Variants in DNMBP observed in about 807,000 individuals in gnomAD.
The protein encoded by DNMBP is dynamin binding protein, also known as dynamin-binding protein.
A neutral mutation model predicts 150.0 loss-of-function variants in DNMBP; 87 were observed. The observed-to-expected ratio is 0.58, with a 90% CI of 0.49 to 0.69. The LOEUF is 0.69. DNMBP is among the 30% of genes least tolerant of loss of function. The pLI, the probability that DNMBP is intolerant of heterozygous loss-of-function variation, is 0.00. For missense variants in DNMBP, 1,774 were observed against 1,949.0 expected (o/e 0.91, Z 1.69); for synonymous variants, 711 against 750.4 (o/e 0.95, Z 0.86).
intron 1 of DNMBP, among the ~76,000 whole-genome samples, chr10:99,993,065 C>T (rs1282475021): frequency 6.6e-6 from 1 of 151,968 alleles, no homozygotes; most frequent in African/African-American, 2.4e-5. Flanking sequence ...AAAGATTCAA[C>T]ATAAAAATAA....
chr10:99,885,465 C>T (rs191082600), intron 14 of DNMBP, among the ~76,000 whole-genome samples: 3 of 152,144 alleles, frequency 2.0e-5, no homozygotes, highest in African/African-American at 7.2e-5. Flanking sequence ...GAGCCAAGAT[C>T]ACACCACTGC....
intron 11 of DNMBP, among the ~76,000 whole-genome samples, chr10:99,892,790 G>T (rs2039593045): frequency 6.6e-6 from 1 of 151,906 alleles, no homozygotes; most frequent in African/African-American, 2.4e-5. Context: ...TAAAACACGA[G>T]AATTTTTAAA....
At chr10:99,891,824 C>A (rs1281499428) in intron 11 of DNMBP, among the ~76,000 whole-genome samples, 1 of 150,782 alleles carries the variant, frequency 6.6e-6, no homozygotes, top group Admixed American at 6.6e-5. Context: ...TCTGCCCCGC[C>A]GCCCCATCTG....
chr10:99,935,398 C>T lies in DNMBP; in HGVS notation c.2260+19816G>A, dbSNP rs568191642. On this transcript the variant is annotated intron_variant, in intron 4 of 16. Transcript: ENST00000324109. ...TTTTTTTCTTATTTACTTTATTTTA[C>T]TTTTTAGAGACAGGGCCTCTCTTTG... 1.2e-4 allele frequency among the ~76,000 whole-genome samples: 18 copies of T among 151,478 alleles called. No homozygotes were observed. The East Asian group carries it at 3.3e-3, about 28-fold the overall frequency.
chr10:99,980,950 G>A (rs2040775165), intron 1 of DNMBP, among the ~76,000 whole-genome samples: 1 of 152,120 alleles, frequency 6.6e-6, no homozygotes, highest in Non-Finnish European at 1.5e-5. Flanking sequence ...GAGGAGATAG[G>A]GAGTTAGTAT....
chr10:99,962,389 T>C (rs2040573964), intron 3 of DNMBP, among the ~76,000 whole-genome samples: 1 of 152,188 alleles, frequency 6.6e-6, no homozygotes, highest in Non-Finnish European at 1.5e-5. Flanking sequence ...CCCAGCACTT[T>C]GGGACGCCGA....
chr10:99,989,785 A>G (rs940344411), intron 1 of DNMBP, among the ~76,000 whole-genome samples: 1 of 60,686 alleles, frequency 1.6e-5, no homozygotes, highest in Non-Finnish European at 3.4e-5. Flanking sequence ...CAGATCAGCT[A>G]AACTGCTATG....
At chr10:99,883,897 C>T (rs2039409523) in intron 15 of DNMBP, 114 bp downstream of exon 15, 2 of 869,106 alleles carry the variant, frequency 2.3e-6, no homozygotes, top group Non-Finnish European at 3.6e-6. Context: ...TTATTTTTCC[C>T]CTTAATCAAA....
intron 4 of DNMBP, among the ~76,000 whole-genome samples, chr10:99,923,940 G>C (rs564619873): frequency 6.6e-6 from 1 of 152,136 alleles, no homozygotes; most frequent in Non-Finnish European, 1.5e-5. Flanking sequence ...ATCACCTGAA[G>C]CCAGGAGTTT....
Position 99,907,187 on chromosome 10 carries a change from C to T in DNMBP, c.2554+808G>A, listed in dbSNP as rs12263806. 5.0e-3 allele frequency among the ~76,000 whole-genome samples: 762 copies of T among 151,652 alleles called. 10 individuals are homozygous for T. Among genetic ancestry groups the T allele is most frequent in the African/African-American group, 0.017 (716 of 41,390 alleles). ...AAAAAAATTACAAAAATTAGCTGGG[C>T]GTGGTGGCACATGCCTGTATTCCCA... On this transcript the variant is annotated intron_variant, in intron 6 of 16. Coordinates refer to ENST00000324109, the MANE Select transcript of DNMBP (RefSeq NM_015221.4).
chr10:99,887,187 G>A (rs1255494757), intron 12 of DNMBP, among the ~76,000 whole-genome samples: 2 of 151,168 alleles, frequency 1.3e-5, no homozygotes, highest in African/African-American at 4.9e-5. Context: ...CTCCCAAGAA[G>A]TTGGGATTAC....
In DNMBP at chr10:99,876,908, C is replaced by T. The variant is rs2039283099; in HGVS notation, c.*243G>A. 2.4e-6 allele frequency: 1 copy of T among 415,100 alleles called. No homozygotes were observed. Among genetic ancestry groups the T allele is most frequent in the African/African-American group, 2.0e-5 (1 of 48,822 alleles). 25.7% of individuals were successfully genotyped at this position (415,100 alleles called of 1,614,324 possible). On this transcript the variant is annotated 3_prime_UTR_variant, in exon 17 of 17. Coordinates refer to ENST00000324109, the MANE Select transcript of DNMBP (RefSeq NM_015221.4). ...GCCAGCTCTAAGACTTGTCTCTCTTCTCATAGTCACTAAGTCATTTGCAAA... is the reference window on the plus strand; with the variant it reads ...GCCAGCTCTAAGACTTGTCTCTCTTTTCATAGTCACTAAGTCATTTGCAAA...
At chr10:99,887,391 G>A (rs977318210) in intron 12 of DNMBP, among the ~76,000 whole-genome samples, 11 of 152,060 alleles carry the variant, frequency 7.2e-5, no homozygotes, top group African/African-American at 2.7e-4. Flanking sequence ...GGCAGGTATG[G>A]TGGTGCATGC....
rs140839578 is a variant in DNMBP at position 99,967,668 on chromosome 10, G to GGTGTGTGT, written c.268+1439_268+1446dup. Among the ~76,000 whole-genome samples, 439 of 145,638 alleles carry GGTGTGTGT rather than the reference G, an allele frequency of 3.0e-3. 13 individuals carry two copies. In the East Asian group the frequency reaches 0.067, roughly 22 times the overall value. On this transcript the variant is annotated intron_variant, in intron 3 of 16. Coordinates refer to ENST00000324109, the MANE Select transcript of DNMBP (RefSeq NM_015221.4). ...TAGAGAAGTTTGATAGGTTTTTCTG[G>GGTGTGTGT]GTGTGTGTGTGTGTGTGTGTGTGTG...
chr10:99,906,812 C>T (rs955601493), intron 6 of DNMBP, among the ~76,000 whole-genome samples: 1 of 152,196 alleles, frequency 6.6e-6, no homozygotes, highest in Non-Finnish European at 1.5e-5. Context: ...GAGCCACCTC[C>T]AGACTCCTGA....
intron 1 of DNMBP, among the ~76,000 whole-genome samples, chr10:100,000,377 T>G (rs552101143): frequency 6.6e-6 from 1 of 152,138 alleles, no homozygotes; most frequent in South Asian, 2.1e-4. Flanking sequence ...GAATGCACTC[T>G]GGGCCCAGAC....
At chr10:100,005,496 G>A (rs906829815) in intron 1 of DNMBP, among the ~76,000 whole-genome samples, 1 of 152,132 alleles carries the variant, frequency 6.6e-6, no homozygotes, top group African/African-American at 2.4e-5. Context: ...GTTCATACCT[G>A]TAATCCCAGT....
intron 3 of DNMBP, 115 bp downstream of exon 3, chr10:99,969,000 C>T (rs1270273228): frequency 4.1e-6 from 5 of 1,223,258 alleles, no homozygotes; most frequent in African/African-American, 1.5e-5. Context: ...TTGGTATTGC[C>T]GAGGACTCTC....
At chr10:99,942,268 A>C (rs2040309155) in intron 4 of DNMBP, among the ~76,000 whole-genome samples, 1 of 152,128 alleles carries the variant, frequency 6.6e-6, no homozygotes, top group Non-Finnish European at 1.5e-5. Flanking sequence ...TTCTGACAAA[A>C]AGGCAAAAAA....
Sources: gnomAD v4.1 joint callset for allele counts (sites outside exome capture counted in the v4.1 genomes callset) on GRCh38, gnomAD v4.1.1 for gene constraint, MANE v1.5 for transcripts, NCBI Gene and HGNC (gene_info 2026-07-23, HGNC 2026-07-21) for gene names.